The following PTPN11 variants were observed in gnomAD, a reference collection of about 807,000 sequenced individuals.
The protein encoded by PTPN11 is tyrosine-protein phosphatase non-receptor type 11.
In PTPN11, 6 loss-of-function variants were observed where a neutral mutation model predicts 78.8. The ratio of observed to expected loss-of-function variants is 0.08; its 90% CI spans 0.04 to 0.15. The LOEUF is 0.15. Ranked by LOEUF, PTPN11 falls within the 10% of genes least tolerant of loss-of-function variation. The pLI, the probability that PTPN11 is intolerant of heterozygous loss-of-function variation, is 1.00. For missense variants in PTPN11, 386 were observed against 744.8 expected (o/e 0.52, Z 5.61); for synonymous variants, 221 against 263.5 (o/e 0.84, Z 1.56).
intron 13 of PTPN11, among the ~76,000 whole-genome samples, chr12:112,497,865 A>C (rs1286250394): frequency 1.3e-5 from 2 of 152,162 alleles, no homozygotes; most frequent in Non-Finnish European, 2.9e-5. Flanking sequence ...AAAGATCCTC[A>C]TTTTAGGCCG....
At position 112,482,578 on chromosome 12, in the gene PTPN11, C is replaced by T. The variant is rs2038613249; in HGVS notation, c.1224+373C>T. 6.6e-6 allele frequency among the ~76,000 whole-genome samples: 1 copy of T among 152,150 alleles called. No individual in the cohort carries two copies. Among genetic ancestry groups the T allele is most frequent in the Non-Finnish European group, 1.5e-5 (1 of 68,028 alleles). On this transcript the variant is annotated intron_variant, in intron 10 of 15. Transcript: ENST00000351677. The surrounding 1 kb of genome is among the most constrained non-coding windows in gnomAD (Gnocchi z 4.4). ...GACTGGGATAGGGTGACCTGAGTGGCTACAAGGTCTGTTAGGAGGCCTCCG... is the reference window on the plus strand; with the variant it reads ...GACTGGGATAGGGTGACCTGAGTGGTTACAAGGTCTGTTAGGAGGCCTCCG...
At chr12:112,445,965 G>A (rs2037987499) in intron 1 of PTPN11, among the ~76,000 whole-genome samples, 1 of 152,036 alleles carries the variant, frequency 6.6e-6, no homozygotes, top group Non-Finnish European at 1.5e-5. Flanking sequence ...TTTATTCCAT[G>A]TGCTCAGTCT....
At chr12:112,447,604 A>AT (rs1339042293) in intron 2 of PTPN11, among the ~76,000 whole-genome samples, 2 of 151,330 alleles carry the variant, frequency 1.3e-5, no homozygotes, top group African/African-American at 2.4e-5. Flanking sequence ...GGTTCAAGCT[A>AT]TTCTCCTGTC....
intron 1 of PTPN11, among the ~76,000 whole-genome samples, chr12:112,440,863 A>T (rs2037876699): frequency 6.6e-6 from 1 of 151,504 alleles, no homozygotes; most frequent in African/African-American, 2.4e-5. Flanking sequence ...GGCATGAGTC[A>T]CCGGGCCCAG....
At position 112,419,210 on chromosome 12, in the gene PTPN11, G is replaced by T. The variant is rs1054862991; in HGVS notation, c.14+85G>T. The stretch of plus-strand genomic sequence containing the variant: ...GCCCCGTCCGGAAGGGGGCGCCCCG[G>T]CCGGGCTTCGGGCTCCCGCCCCGGG... On this transcript the variant is annotated intron_variant, in intron 1 of 15. Transcript: ENST00000351677. The T allele has an allele frequency of 4.6e-6, 6 of 1,313,772 alleles. No individual in the cohort carries two copies. The African/African-American group carries it at 7.8e-5, about 17-fold the overall frequency. The allele number at this position is 1,313,772 out of a possible 1,614,324, so 81.4% of individuals were successfully genotyped here.
At chr12:112,477,189 G>T (rs2135900191) in intron 7 of PTPN11, among the ~76,000 whole-genome samples, 1 of 152,110 alleles carries the variant, frequency 6.6e-6, no homozygotes, top group Middle Eastern at 3.4e-3. Flanking sequence ...GCTAATTTTT[G>T]TATTTTTAAT....
chr12:112,485,404 T>C (rs2038659713), intron 10 of PTPN11, among the ~76,000 whole-genome samples: 1 of 152,206 alleles, frequency 6.6e-6, no homozygotes, highest in Non-Finnish European at 1.5e-5. Flanking sequence ...TGTTGATCTT[T>C]ATTAATTATC....
intron 3 of PTPN11, 152 bp downstream of exon 3, chr12:112,450,664 A>G (rs1450184085): frequency 2.2e-5 from 18 of 801,226 alleles, no homozygotes; most frequent in Non-Finnish European, 2.9e-5. Context: ...AGTGAGACTA[A>G]TAGCATCAAA....
intron 6 of PTPN11, among the ~76,000 whole-genome samples, chr12:112,471,377 CTT>C (rs779351912): frequency 2.3e-5 from 3 of 132,476 alleles, no homozygotes; most frequent in African/African-American, 2.8e-5. Context: ...TTGAAATTGA[CTT>C]TTTTTTTTTT....
At chr12:112,459,678 C>T (rs779639619) in intron 6 of PTPN11, among the ~76,000 whole-genome samples, 1 of 151,760 alleles carries the variant, frequency 6.6e-6, no homozygotes, top group Non-Finnish European at 1.5e-5. Flanking sequence ...ATGTTGGCCA[C>T]GCTGGTCTCA....
At chr12:112,497,314 A>G (rs2038826045) in intron 13 of PTPN11, among the ~76,000 whole-genome samples, 1 of 152,196 alleles carries the variant, frequency 6.6e-6, no homozygotes, top group Non-Finnish European at 1.5e-5. Flanking sequence ...TTGGCTCCTC[A>G]TATTTTATTA....
chr12:112,441,047 C>T (rs1246324346), intron 1 of PTPN11, among the ~76,000 whole-genome samples: 7 of 150,806 alleles, frequency 4.6e-5, no homozygotes, highest in Admixed American at 1.3e-4. Context: ...TCACCGCACC[C>T]TCCGCTTCCC....
intron 13 of PTPN11, among the ~76,000 whole-genome samples, chr12:112,498,835 A>G (rs1267945069): frequency 1.3e-5 from 2 of 152,234 alleles, no homozygotes; most frequent in Non-Finnish European, 2.9e-5. Context: ...AGACAAGCCC[A>G]TCTGATTTGT....
intron 1 of PTPN11, among the ~76,000 whole-genome samples, chr12:112,419,451 C>T (rs1313639703): frequency 6.6e-6 from 1 of 152,222 alleles, no homozygotes; most frequent in East Asian, 1.9e-4. Context: ...ATTCCTGACC[C>T]ATTGCCTCAT....
intron 13 of PTPN11, among the ~76,000 whole-genome samples, chr12:112,495,277 A>G (rs918925993): frequency 5.3e-5 from 8 of 152,214 alleles, no homozygotes; most frequent in African/African-American, 1.9e-4. Flanking sequence ...GATCCAATTC[A>G]TGGTCACACA....
intron 13 of PTPN11, among the ~76,000 whole-genome samples, chr12:112,494,767 C>T (rs1374441105): frequency 6.6e-6 from 1 of 152,178 alleles, no homozygotes; most frequent in African/African-American, 2.4e-5. Flanking sequence ...CTTTCTAAAA[C>T]CTCACATATG....
intron 1 of PTPN11, among the ~76,000 whole-genome samples, chr12:112,428,344 A>G (rs1021273057): frequency 7.4e-6 from 1 of 135,914 alleles, no homozygotes; most frequent in African/African-American, 2.7e-5. Context: ...ACTAAGCCCT[A>G]TTGTGTCAAA....
chr12:112,442,830 T>TTTTATA (rs1348198967), intron 1 of PTPN11, among the ~76,000 whole-genome samples: 4 of 43,532 alleles, frequency 9.2e-5, no homozygotes, highest in Non-Finnish European at 1.8e-4. Flanking sequence ...CTCTCTCTTT[T>TTTTATA]TATATATATA....
chr12:112,429,814 C>A (rs1219706230), intron 1 of PTPN11, among the ~76,000 whole-genome samples: 1 of 147,982 alleles, frequency 6.8e-6, no homozygotes, highest in Non-Finnish European at 1.5e-5. Context: ...AAAAAAAAAA[C>A]AACAACAAAA....
Sources: allele counts gnomAD v4.1 joint callset (sites outside exome capture counted in the v4.1 genomes callset), GRCh38; gene constraint gnomAD v4.1.1; non-coding constraint Gnocchi (gnomAD v3.1); transcripts MANE v1.5; gene names NCBI Gene and HGNC (gene_info 2026-07-23, HGNC 2026-07-21).